CHMP3: variants seen among roughly 807,000 people sequenced by gnomAD.
The protein encoded by CHMP3 is charged multivesicular body protein 3, also known as 25.1 protein.
A neutral mutation model predicts 27.4 loss-of-function variants in CHMP3; 8 were observed. That is an observed-to-expected ratio of 0.29 (90% confidence interval 0.17 to 0.53). CHMP3 has a LOEUF of 0.53. Ranked by LOEUF, CHMP3 falls within the 20% of genes least tolerant of loss-of-function variation. The probability of loss-of-function intolerance (pLI) is 0.96; values close to 1 mark genes in which losing one functional copy is unlikely to be tolerated. For synonymous variants in CHMP3, 86 were observed against 85.5 expected (o/e 1.01, Z -0.03); for missense variants, 208 against 271.5 (o/e 0.77, Z 1.64).
At chr2:86,530,014 G>A (rs947923825) in intron 2 of CHMP3, among the ~76,000 whole-genome samples, 6 of 151,416 alleles carry the variant, frequency 4.0e-5, no homozygotes, top group Non-Finnish European at 8.8e-5. Flanking sequence ...TATTTTTTGA[G>A]ATGGAGTTTC....
intron 3 of CHMP3, among the ~76,000 whole-genome samples, chr2:86,519,968 GTTTA>G (rs1369571696): frequency 1.3e-5 from 2 of 152,036 alleles, no homozygotes; most frequent in African/African-American, 4.8e-5. Flanking sequence ...TGCAAAATCC[GTTTA>G]TTTAACGGCT....
intron 3 of CHMP3, among the ~76,000 whole-genome samples, chr2:86,522,657 GTTC>G (rs1274756812): frequency 2.6e-5 from 4 of 152,066 alleles, no homozygotes; most frequent in Admixed American, 2.0e-4. Context: ...CTCTGCACCT[GTTC>G]TTCTGTCTTC....
chr2:86,548,293 G>A (rs973124053), intron 1 of CHMP3, among the ~76,000 whole-genome samples: 19 of 151,594 alleles, frequency 1.3e-4, no homozygotes, highest in African/African-American at 3.9e-4. Context: ...AGATAAACAC[G>A]TGAACAAAGG....
chr2:86,520,864 C>T (rs1234807580), intron 3 of CHMP3, among the ~76,000 whole-genome samples: 2 of 152,182 alleles, frequency 1.3e-5, no homozygotes, highest in South Asian at 2.1e-4. Context: ...TGAGCCCAAG[C>T]CAAGCCATCG....
At chr2:86,537,007 T>C (rs144195877) in intron 2 of CHMP3, among the ~76,000 whole-genome samples, 1 of 152,176 alleles carries the variant, frequency 6.6e-6, no homozygotes, top group Non-Finnish European at 1.5e-5. Context: ...ACTACAGGCA[T>C]GTACCACCAC....
At chr2:86,526,005 G>C (rs142722053) in intron 3 of CHMP3, among the ~76,000 whole-genome samples, 91 of 152,312 alleles carry the variant, frequency 6.0e-4, no homozygotes, top group South Asian at 3.3e-3. Context: ...AGAGGATCTA[G>C]AATAGAGCCC....
intron 5 of CHMP3, 42 bp downstream of exon 5, chr2:86,507,437 G>C: frequency 6.5e-7 from 1 of 1,547,110 alleles, no homozygotes. Flanking sequence ...AGGAAGAATG[G>C]CCATAAAAAG....
intron 3 of CHMP3, among the ~76,000 whole-genome samples, chr2:86,517,189 T>C (rs913476881): frequency 2.0e-5 from 3 of 152,216 alleles, no homozygotes; most frequent in Non-Finnish European, 4.4e-5. Flanking sequence ...GAAAAAAGGA[T>C]ATTGTATGCA....
chr2:86,551,035 G>T lies in CHMP3; in HGVS notation c.46-8723C>A, dbSNP rs1676886897. The stretch of plus-strand genomic sequence containing the variant: ...TATGAAAATCTGCAGGATAATTTAA[G>T]TTTCTGAATGATATTGTCTTCTTCC... On this transcript the variant is annotated intron_variant, in intron 1 of 5. Coordinates refer to ENST00000263856, the MANE Select transcript of CHMP3 (RefSeq NM_016079.4). Among the ~76,000 whole-genome samples the T allele has an allele frequency of 2.0e-5, 3 of 152,128 alleles. No homozygotes were observed. In the South Asian group the frequency reaches 6.2e-4, roughly 32 times the overall value.
intron 5 of CHMP3, 138 bp from the exon 6 acceptor site, chr2:86,506,087 A>G: frequency 1.9e-6 from 2 of 1,054,492 alleles, no homozygotes; most frequent in Non-Finnish European, 2.5e-6. Flanking sequence ...GGGGGGGTTT[A>G]CTCACTCTGG....
At chr2:86,556,888 G>T (rs1311452189) in intron 1 of CHMP3, among the ~76,000 whole-genome samples, 1 of 152,154 alleles carries the variant, frequency 6.6e-6, no homozygotes, top group Non-Finnish European at 1.5e-5. Flanking sequence ...AGGATCTGCG[G>T]GTCGGACCCG....
intron 1 of CHMP3, among the ~76,000 whole-genome samples, chr2:86,556,703 T>C (rs1217776180): frequency 6.6e-6 from 1 of 152,206 alleles, no homozygotes; most frequent in Non-Finnish European, 1.5e-5. Flanking sequence ...CACAAGTGTG[T>C]TGACTCAAAG....
intron 4 of CHMP3, 70 bp downstream of exon 4, chr2:86,510,288 C>CAA: frequency 6.7e-7 from 1 of 1,494,220 alleles, no homozygotes; most frequent in Non-Finnish European, 9.1e-7. Flanking sequence ...ACCCTCATCC[C>CAA]TAGCCCCCTG....
chr2:86,541,706 T>C (rs547362199), intron 2 of CHMP3, among the ~76,000 whole-genome samples: 1 of 152,316 alleles, frequency 6.6e-6, no homozygotes, highest in African/African-American at 2.4e-5. Flanking sequence ...AGAATGCAAG[T>C]TGAAAAGCAA....
At chr2:86,516,395 G>A (rs557795099) in intron 3 of CHMP3, among the ~76,000 whole-genome samples, 6 of 152,194 alleles carry the variant, frequency 3.9e-5, no homozygotes, top group Non-Finnish European at 7.4e-5. Context: ...GAGGAGATAC[G>A]GATGGCAAAT....
At chr2:86,516,146 C>CAAAAAAA (rs35800757) in intron 3 of CHMP3, among the ~76,000 whole-genome samples, 3 of 83,648 alleles carry the variant, frequency 3.6e-5, no homozygotes, top group Non-Finnish European at 6.3e-5. Context: ...GACTCCATCT[C>CAAAAAAA]AAAAAAAAAA....
At chr2:86,557,601 T>C (rs776329323) in intron 1 of CHMP3, among the ~76,000 whole-genome samples, 16 of 152,194 alleles carry the variant, frequency 1.1e-4, no homozygotes, top group African/African-American at 1.7e-4. Flanking sequence ...CCTCCAACCA[T>C]TCTGAATTTT....
At chr2:86,509,616 C>T (rs1191012067) in intron 4 of CHMP3, among the ~76,000 whole-genome samples, 1 of 152,178 alleles carries the variant, frequency 6.6e-6, no homozygotes, top group Admixed American at 6.5e-5. Context: ...TGAGGGACCT[C>T]CCATCCTCAT....
Position 86,538,142 on chromosome 2 carries a change from T to C in CHMP3, c.106+4110A>G, listed in dbSNP as rs140744761. 6.9e-3 allele frequency among the ~76,000 whole-genome samples: 1,055 copies of C among 152,268 alleles called. 10 individuals carry two copies. Among genetic ancestry groups the C allele is most frequent in the African/African-American group, 0.023 (957 of 41,546 alleles). On this transcript the variant is annotated intron_variant, in intron 2 of 5. Coordinates refer to ENST00000263856, the MANE Select transcript of CHMP3 (RefSeq NM_016079.4). ...ACAACATGGATGATCCTTAAAAACA[T>C]TATGTTAAGTGAAATAAGCCAGACA...
Sources: allele counts gnomAD v4.1 joint callset (sites outside exome capture counted in the v4.1 genomes callset), GRCh38; gene constraint gnomAD v4.1.1; transcripts MANE v1.5; gene names NCBI Gene and HGNC (gene_info 2026-07-23, HGNC 2026-07-21).